The following CELF2 variants were observed in gnomAD, a reference collection of about 807,000 sequenced individuals.
CELF2 encodes the protein CUGBP Elav-like family member 2.
CELF2 carries 8 observed loss-of-function variants against 62.6 expected under a neutral mutation model. That is an observed-to-expected ratio of 0.13 (90% CI 0.07 to 0.23). The LOEUF (loss-of-function observed/expected upper bound fraction) is 0.23. CELF2 is among the 10% of genes least tolerant of loss of function. The pLI is 1.00. For synonymous variants in CELF2, 258 were observed against 250.0 expected (o/e 1.03, Z -0.30); for missense variants, 333 against 671.0 (o/e 0.50, Z 5.56).
chr10:11,100,918 C>A (rs569668097), intron 1 of CELF2, among the ~76,000 whole-genome samples: 1 of 152,200 alleles, frequency 6.6e-6, no homozygotes, highest in Non-Finnish European at 1.5e-5. Context: ...CATTAGGATG[C>A]AGATGGCAGC....
chr10:11,065,077 C>G (rs1434413008), intron 1 of CELF2, among the ~76,000 whole-genome samples: 1 of 152,170 alleles, frequency 6.6e-6, no homozygotes, highest in African/African-American at 2.4e-5. Flanking sequence ...TCAAGCAGTT[C>G]AAGCAGTTAA....
chr10:11,144,892 A>T (rs2061971124), intron 1 of CELF2, among the ~76,000 whole-genome samples: 1 of 119,122 alleles, frequency 8.4e-6, no homozygotes, highest in Non-Finnish European at 1.7e-5. Flanking sequence ...ACCCTGTCTC[A>T]GGAAACAGAA....
chr10:10,667,382 C>T, the CELF2 span, among the ~76,000 whole-genome samples: 3 of 152,112 alleles, frequency 2.0e-5, no homozygotes, highest in Admixed American at 6.5e-5. Context: ...TAGCTCTTTC[C>T]AAATAAAAGA....
At chr10:11,320,780 G>A (rs900082186) in intron 10 of CELF2, 4 of 1,424,002 alleles carry the variant, frequency 2.8e-6, no homozygotes, top group African/African-American at 2.9e-5. Context: ...AAAGAGCCCA[G>A]TAAATGGATT....
intron 1 of CELF2, among the ~76,000 whole-genome samples, chr10:11,053,987 C>G (rs771503985): frequency 3.3e-5 from 5 of 152,098 alleles, no homozygotes; most frequent in African/African-American, 4.8e-5. Context: ...AATAATAAAA[C>G]TATATTTGCT....
the CELF2 span, among the ~76,000 whole-genome samples, chr10:10,716,104 C>T: frequency 3.9e-5 from 6 of 152,100 alleles, no homozygotes; most frequent in African/African-American, 1.4e-4. Flanking sequence ...CCTAGGTGGC[C>T]CCTGGATATA....
chr10:11,202,057 C>G (rs1328097662), intron 2 of CELF2, among the ~76,000 whole-genome samples: 5 of 152,116 alleles, frequency 3.3e-5, no homozygotes, highest in Non-Finnish European at 2.9e-5. Flanking sequence ...AACACTAAGA[C>G]ATCTGTTCCT....
chr10:11,187,962 C>T (rs942370663), intron 2 of CELF2, among the ~76,000 whole-genome samples: 2 of 150,374 alleles, frequency 1.3e-5, no homozygotes, highest in African/African-American at 4.9e-5. Flanking sequence ...TCCATATTTC[C>T]TTCTGGCATC....
chr10:10,963,410 G>A (rs2049768801), intron 2 of CELF2, among the ~76,000 whole-genome samples: 1 of 152,100 alleles, frequency 6.6e-6, no homozygotes, highest in Non-Finnish European at 1.5e-5. Flanking sequence ...TCACACTTGA[G>A]GCTGTCATCT....
chr10:10,728,437 C>A, the CELF2 span, among the ~76,000 whole-genome samples: 2 of 119,806 alleles, frequency 1.7e-5, no homozygotes. Flanking sequence ...TGGGTGACAG[C>A]ATGAGACTCT....
At chr10:11,173,633 A>C (rs1042422376) in intron 2 of CELF2, among the ~76,000 whole-genome samples, 1 of 152,192 alleles carries the variant, frequency 6.6e-6, no homozygotes, top group East Asian at 1.9e-4. Flanking sequence ...CTGAATTTTC[A>C]TCCTTGGACA....
At chr10:11,167,614 C>G (rs2067606189) in intron 2 of CELF2, among the ~76,000 whole-genome samples, 1 of 152,174 alleles carries the variant, frequency 6.6e-6, no homozygotes, top group African/African-American at 2.4e-5. Context: ...CCAGATGTTC[C>G]TATGAGCAGC....
At chr10:10,689,209 C>G in the CELF2 span, among the ~76,000 whole-genome samples, 1 of 152,130 alleles carries the variant, frequency 6.6e-6, no homozygotes, top group Non-Finnish European at 1.5e-5. Context: ...TACCAGGAGG[C>G]CTCAGGAAAT....
chr10:10,959,033 G>C (rs527463232), intron 2 of CELF2, among the ~76,000 whole-genome samples: 36 of 152,264 alleles, frequency 2.4e-4, no homozygotes, highest in Non-Finnish European at 2.5e-4. Context: ...GAGGTAGGCG[G>C]ATCTTTTGAG....
At chr10:10,937,148 A>G (rs938875700) in intron 2 of CELF2, among the ~76,000 whole-genome samples, 3 of 96,650 alleles carry the variant, frequency 3.1e-5, no homozygotes, top group Non-Finnish European at 3.8e-5. Context: ...TTTTTTCGTG[A>G]CAGAGCCTCG....
At chr10:10,624,115 G>A in the CELF2 span, among the ~76,000 whole-genome samples, 7 of 152,206 alleles carry the variant, frequency 4.6e-5, no homozygotes, top group Admixed American at 3.3e-4. Context: ...GTACCAGGCA[G>A]TGTGCACTAG....
chr10:10,605,246 G>A, the CELF2 span, among the ~76,000 whole-genome samples: 2 of 149,670 alleles, frequency 1.3e-5, no homozygotes, highest in South Asian at 4.3e-4. Flanking sequence ...ACAGGGAGGG[G>A]AACAACACAC....
intron 2 of CELF2, among the ~76,000 whole-genome samples, chr10:11,184,205 GTA>G (rs2074245391): frequency 6.6e-6 from 1 of 152,170 alleles, no homozygotes; most frequent in African/African-American, 2.4e-5. Flanking sequence ...TCAGTTGTCT[GTA>G]TATGTGTCAG....
At chr10:11,096,058 G>A (rs1008124381) in intron 1 of CELF2, among the ~76,000 whole-genome samples, 6 of 152,098 alleles carry the variant, frequency 3.9e-5, no homozygotes, top group African/African-American at 7.2e-5. Flanking sequence ...ACTGATACCC[G>A]ATTTTGCAAA....
Sources: allele counts gnomAD v4.1 joint callset (sites outside exome capture counted in the v4.1 genomes callset), GRCh38; gene constraint gnomAD v4.1.1; transcripts MANE v1.5; gene names NCBI Gene and HGNC (gene_info 2026-07-23, HGNC 2026-07-21).